The following GAK variants were observed in gnomAD, a reference collection of about 807,000 sequenced individuals.
GAK encodes the protein cyclin G associated kinase.
A neutral mutation model predicts 143.9 loss-of-function variants in GAK; 79 were observed. The observed-to-expected ratio is 0.55, with a 90% CI of 0.46 to 0.66. The LOEUF (loss-of-function observed/expected upper bound fraction) is 0.66, where lower values mean the gene tolerates loss of function less well. Among genes scored for constraint, GAK ranks in the 30% least tolerant of loss-of-function variants. The pLI is 0.00. For synonymous variants in GAK, 881 were observed against 765.5 expected (o/e 1.15, Z -2.49); for missense variants, 1,693 against 1,779.7 (o/e 0.95, Z 0.88).
chr4:903,268 C>G (rs1205803209), intron 5 of GAK, among the ~76,000 whole-genome samples: 1 of 152,250 alleles, frequency 6.6e-6, no homozygotes, highest in Non-Finnish European at 1.5e-5. Context: ...CCACATCACG[C>G]CAACCCCGGG....
chr4:900,850 G>A (rs1046763311), intron 5 of GAK, among the ~76,000 whole-genome samples: 1 of 152,218 alleles, frequency 6.6e-6, no homozygotes, highest in Admixed American at 6.5e-5. Flanking sequence ...GGAAGGAGAA[G>A]GGGTGAAAGG....
In GAK at chr4:867,390, T is replaced by C. The variant is rs1410241898; in HGVS notation, c.2438A>G (p.Lys813Arg). ...CTCCATCAGGGCAGACTCGCTCTCC[T>C]TGGAAGAGGCATTTTCTGCACCAGT... The part of the protein sequence containing the change: ...AETGAENASS[K>R]ESESALMEDR... The change falls in exon 21 of 28, where the codon AAG becomes AGG. Residue 813 changes from lysine (K) to arginine (R), a missense_variant. Physicochemically the swap from Lys to Arg is conservative, Grantham distance 26. Coordinates refer to ENST00000314167, the MANE Select transcript of GAK (RefSeq NM_005255.4). The C allele has an allele frequency of 6.4e-7, 1 of 1,554,146 alleles. No homozygotes were observed. Among genetic ancestry groups the C allele is most frequent in the Non-Finnish European group, 8.7e-7 (1 of 1,145,996 alleles).
intron 18 of GAK, among the ~76,000 whole-genome samples, chr4:874,132 T>C (rs1713304398): frequency 6.6e-6 from 1 of 151,982 alleles, no homozygotes; most frequent in African/African-American, 2.4e-5. Context: ...TGTGTGTGTG[T>C]GTGCGCGCTG....
chr4:861,876 G>A (rs753475219), intron 23 of GAK, among the ~76,000 whole-genome samples: 2 of 152,204 alleles, frequency 1.3e-5, no homozygotes, highest in Non-Finnish European at 2.9e-5. Flanking sequence ...CCATAGCAAG[G>A]TCTCAACTCT....
chr4:928,061 G>T (rs980724185), intron 1 of GAK, among the ~76,000 whole-genome samples: 1 of 152,228 alleles, frequency 6.6e-6, no homozygotes, highest in East Asian at 1.9e-4. Flanking sequence ...GCAACCTAAG[G>T]GTCTACTTTT....
At chr4:904,168 T>C (rs62297084) in intron 5 of GAK, among the ~76,000 whole-genome samples, 1,908 of 61,252 alleles carry the variant, frequency 0.031, 1 homozygote, top group Middle Eastern at 0.065. Flanking sequence ...CCTAACCGAG[T>C]GGGACCCGCA....
At chr4:851,432 A>T (rs755836298) in intron 25 of GAK, 6 of 507,906 alleles carry the variant, frequency 1.2e-5, no homozygotes, top group Non-Finnish European at 1.8e-5. Flanking sequence ...CACAGGCCCA[A>T]TTCCACCTGC....
chr4:905,784 G>A (rs936411598), intron 4 of GAK, among the ~76,000 whole-genome samples: 6 of 152,220 alleles, frequency 3.9e-5, no homozygotes, highest in Admixed American at 1.3e-4. Context: ...ACCAGGCCAC[G>A]CTGCCTTTTC....
chr4:864,584 A>G (rs902061353), intron 23 of GAK, among the ~76,000 whole-genome samples: 1 of 152,150 alleles, frequency 6.6e-6, no homozygotes, highest in African/African-American at 2.4e-5. Flanking sequence ...GGAAGGACAG[A>G]CGCTCACAGA....
chr4:879,091 G>A (rs1309602767), intron 15 of GAK, among the ~76,000 whole-genome samples: 1 of 152,224 alleles, frequency 6.6e-6, no homozygotes, highest in Non-Finnish European at 1.5e-5. Context: ...ACGGAGGAGA[G>A]GGCCCAGCTA....
chr4:925,400 G>C (rs1008565216), intron 1 of GAK, among the ~76,000 whole-genome samples: 51 of 152,254 alleles, frequency 3.3e-4, no homozygotes, highest in African/African-American at 1.0e-3. Context: ...CGCTGGGGAC[G>C]GGACAGAGTG....
intron 14 of GAK, 133 bp downstream of exon 14, chr4:882,564 C>T (rs1418802846): frequency 8.5e-7 from 1 of 1,172,364 alleles, no homozygotes; most frequent in Non-Finnish European, 1.2e-6. Flanking sequence ...ACACCAAGCA[C>T]AGGGACTTTC....
rs149276764 is a variant in GAK at position 896,332 on chromosome 4, G to A, written c.741+128C>T. 8.6e-6 allele frequency: 6 copies of A among 697,168 alleles called. No individual in the cohort carries two copies. The East Asian group carries it at 1.6e-4, about 18-fold the overall frequency. 43.2% of individuals were successfully genotyped at this position (697,168 alleles called of 1,614,324 possible). Reference sequence around the variant, plus strand: ...TCTTAAGGAAAGGAAAAAGAAAAGGGGACGGGAGGGGAAGAGGGGGTGGAG... The same window carrying A: ...TCTTAAGGAAAGGAAAAAGAAAAGGAGACGGGAGGGGAAGAGGGGGTGGAG... On this transcript the variant is annotated intron_variant, in intron 7 of 27. Coordinates refer to ENST00000314167, the MANE Select transcript of GAK (RefSeq NM_005255.4).
At chr4:881,679 C>T (rs1486754185) in intron 15 of GAK, among the ~76,000 whole-genome samples, 1 of 152,266 alleles carries the variant, frequency 6.6e-6, no homozygotes. Context: ...ACAAGCTGGG[C>T]AGGTGCTGCC....
At chr4:880,990 C>T (rs947562108) in intron 15 of GAK, among the ~76,000 whole-genome samples, 4 of 152,150 alleles carry the variant, frequency 2.6e-5, no homozygotes, top group Admixed American at 2.6e-4. Flanking sequence ...CTCCTCTTGC[C>T]GGGGGTCACA....
chr4:904,435 G>A (rs978474603), intron 5 of GAK, among the ~76,000 whole-genome samples: 6 of 150,126 alleles, frequency 4.0e-5, no homozygotes, highest in African/African-American at 1.2e-4. Flanking sequence ...GCTCCTAACC[G>A]AGCGGGACCC....
intron 5 of GAK, among the ~76,000 whole-genome samples, chr4:900,916 G>C (rs1003981373): frequency 6.6e-6 from 1 of 152,108 alleles, no homozygotes; most frequent in African/African-American, 2.4e-5. Flanking sequence ...GAGCGAAAGG[G>C]CCTGGGGCTC....
chr4:879,170 G>A (rs1714585697), intron 15 of GAK, among the ~76,000 whole-genome samples: 2 of 152,106 alleles, frequency 1.3e-5, no homozygotes, highest in South Asian at 2.1e-4. Flanking sequence ...GTGTTGTGTC[G>A]GGTCATGTAG....
At chr4:879,107 C>T (rs928626129) in intron 15 of GAK, among the ~76,000 whole-genome samples, 1 of 152,242 alleles carries the variant, frequency 6.6e-6, no homozygotes, top group Admixed American at 6.5e-5. Flanking sequence ...AGCTAAGCCT[C>T]AAGGTCCAGG....
Sources: allele counts gnomAD v4.1 joint callset (sites outside exome capture counted in the v4.1 genomes callset), GRCh38; gene constraint gnomAD v4.1.1; transcripts MANE v1.5; gene names NCBI Gene and HGNC (gene_info 2026-07-23, HGNC 2026-07-21).